CTNNA3: variants seen among roughly 807,000 people sequenced by gnomAD.
The protein encoded by CTNNA3 is catenin alpha 3.
A neutral mutation model predicts 95.7 loss-of-function variants in CTNNA3; 76 were observed. The ratio of observed to expected loss-of-function variants is 0.79; its 90% CI spans 0.66 to 0.96. The LOEUF is 0.96. CTNNA3 is among the 40% of genes least tolerant of loss of function. The pLI, the probability that CTNNA3 is intolerant of heterozygous loss-of-function variation, is 0.00. For missense variants in CTNNA3, 1,191 were observed against 1,089.8 expected (o/e 1.09, Z -1.31); for synonymous variants, 431 against 374.4 (o/e 1.15, Z -1.74).
chr10:66,407,385 C>A (rs528391080), intron 11 of CTNNA3, among the ~76,000 whole-genome samples: 10 of 151,986 alleles, frequency 6.6e-5, no homozygotes, highest in African/African-American at 1.9e-4. Flanking sequence ...TGTTTCTGTA[C>A]AATATCACAT....
chr10:67,618,347 G>A (rs1430930141), intron 2 of CTNNA3, among the ~76,000 whole-genome samples: 1 of 152,114 alleles, frequency 6.6e-6, no homozygotes, highest in Admixed American at 6.6e-5. Context: ...AGTGACTGAT[G>A]GTAGAATATG....
intron 6 of CTNNA3, among the ~76,000 whole-genome samples, chr10:67,202,761 G>T (rs1189038983): frequency 6.6e-6 from 1 of 151,750 alleles, no homozygotes; most frequent in Non-Finnish European, 1.5e-5. Context: ...AGAAAAAAAA[G>T]AAAACTGTAA....
intron 5 of CTNNA3, among the ~76,000 whole-genome samples, chr10:67,372,445 G>A (rs372811192): frequency 6.2e-4 from 95 of 152,126 alleles, no homozygotes; most frequent in Middle Eastern, 3.4e-3. Flanking sequence ...AAAAAGAAAC[G>A]AATAAAGCCT....
chr10:66,346,934 T>G (rs1025554199), intron 12 of CTNNA3, among the ~76,000 whole-genome samples: 1 of 151,800 alleles, frequency 6.6e-6, no homozygotes, highest in Non-Finnish European at 1.5e-5. Context: ...GGAATGGGGC[T>G]AATGTGGTCT....
intron 14 of CTNNA3, among the ~76,000 whole-genome samples, chr10:66,088,399 A>T (rs1012510141): frequency 1.5e-4 from 22 of 150,464 alleles, no homozygotes; most frequent in Non-Finnish European, 2.4e-4. Context: ...TATAACTCTT[A>T]TTTCATGATT....
chr10:67,559,550 C>A (rs1841404635), intron 3 of CTNNA3, among the ~76,000 whole-genome samples: 1 of 152,074 alleles, frequency 6.6e-6, no homozygotes, highest in African/African-American at 2.4e-5. Flanking sequence ...AAAAACAGAG[C>A]AGAAAAACTG....
chr10:66,602,588 C>A (rs976057918), intron 10 of CTNNA3, among the ~76,000 whole-genome samples: 5 of 151,736 alleles, frequency 3.3e-5, no homozygotes, highest in Admixed American at 3.3e-4. Flanking sequence ...ATTCTGAAGA[C>A]AAAAGGCAAT....
chr10:66,845,279 A>C (rs898439400), intron 7 of CTNNA3, among the ~76,000 whole-genome samples: 10 of 152,212 alleles, frequency 6.6e-5, no homozygotes, highest in Non-Finnish European at 1.3e-4. Context: ...AAAGGGGCTG[A>C]ACATCACTAG....
chr10:67,197,650 T>C (rs1863441619), intron 6 of CTNNA3, among the ~76,000 whole-genome samples: 1 of 152,060 alleles, frequency 6.6e-6, no homozygotes, highest in African/African-American at 2.4e-5. Context: ...GCACTGCTGT[T>C]TAAGGATTGT....
At chr10:66,540,276 C>T (rs1045892464) in intron 10 of CTNNA3, among the ~76,000 whole-genome samples, 1 of 152,090 alleles carries the variant, frequency 6.6e-6, no homozygotes, top group African/African-American at 2.4e-5. Flanking sequence ...GACTAGATAG[C>T]TGGAACAGTC....
chr10:66,973,349 C>T (rs112234284), intron 7 of CTNNA3, among the ~76,000 whole-genome samples: 77 of 152,150 alleles, frequency 5.1e-4, no homozygotes, highest in African/African-American at 1.8e-3. Context: ...TTTGATATGA[C>T]GCTAACATCA....
At chr10:67,694,075 A>G (rs1840917767) in intron 1 of CTNNA3, among the ~76,000 whole-genome samples, 1 of 152,220 alleles carries the variant, frequency 6.6e-6, no homozygotes, top group African/African-American at 2.4e-5. Flanking sequence ...CAGTTGTATC[A>G]TAAAAGTCAT....
chr10:67,089,788 C>T (rs190955781), intron 7 of CTNNA3, among the ~76,000 whole-genome samples: 226 of 150,974 alleles, frequency 1.5e-3, no homozygotes, highest in African/African-American at 5.2e-3. Flanking sequence ...GTCTCCTAGG[C>T]CCCCCATCCA....
intron 10 of CTNNA3, among the ~76,000 whole-genome samples, chr10:66,589,486 T>C (rs1430697473): frequency 6.6e-6 from 1 of 152,120 alleles, no homozygotes; most frequent in Non-Finnish European, 1.5e-5. Context: ...ATTTTCTCTT[T>C]ACTATAAACA....
At chr10:66,780,868 C>G (rs1260138358) in intron 7 of CTNNA3, among the ~76,000 whole-genome samples, 2 of 152,124 alleles carry the variant, frequency 1.3e-5, no homozygotes, top group East Asian at 3.9e-4. Flanking sequence ...AATATTTGTC[C>G]TAAATTGTTT....
chr10:66,393,893 A>T (rs2092953742), intron 11 of CTNNA3, among the ~76,000 whole-genome samples: 1 of 152,016 alleles, frequency 6.6e-6, no homozygotes, highest in Non-Finnish European at 1.5e-5. Flanking sequence ...ATCAAGGTTT[A>T]TCTAACCTGC....
chr10:67,022,546 T>C (rs1303844005), intron 7 of CTNNA3, among the ~76,000 whole-genome samples: 1 of 152,140 alleles, frequency 6.6e-6, no homozygotes, highest in Admixed American at 6.5e-5. Flanking sequence ...TAACTATGCC[T>C]TCAAAAAAGT....
At chr10:65,922,421 CAGTCACCCTT>C (rs1432252117) in intron 17 of CTNNA3, among the ~76,000 whole-genome samples, 1 of 152,098 alleles carries the variant, frequency 6.6e-6, no homozygotes, top group African/African-American at 2.4e-5. Context: ...TAGAAGTACT[CAGTCACCCTT>C]ATAGGCCCCA....
At chr10:67,036,761 A>G (rs1382132613) in intron 7 of CTNNA3, among the ~76,000 whole-genome samples, 1 of 152,180 alleles carries the variant, frequency 6.6e-6, no homozygotes, top group African/African-American at 2.4e-5. Flanking sequence ...TTTCAATTCT[A>G]GAGATACAAC....
Sources: allele counts gnomAD v4.1 joint callset (sites outside exome capture counted in the v4.1 genomes callset), GRCh38; gene constraint gnomAD v4.1.1; transcripts MANE v1.5; gene names NCBI Gene and HGNC (gene_info 2026-07-23, HGNC 2026-07-21).